Variants in TMEM51 observed in about 807,000 individuals in gnomAD.
TMEM51 encodes chromosome 1 open reading frame 72.
A neutral mutation model predicts 13.6 loss-of-function variants in TMEM51; 8 were observed. The ratio of observed to expected loss-of-function variants is 0.59; its 90% CI spans 0.35 to 1.07. The LOEUF (loss-of-function observed/expected upper bound fraction) is 1.07. Among genes scored for constraint, TMEM51 ranks in the 50% least tolerant of loss-of-function variants. The pLI is 0.02. For synonymous variants in TMEM51, 147 were observed against 144.4 expected, an observed-to-expected ratio of 1.02 and a Z score of -0.13; for missense variants, 279 against 330.7, an observed-to-expected ratio of 0.84 and a Z score of 1.21.
At chr1:15,184,561 A>G (rs4067936) in intron 1 of TMEM51, among the ~76,000 whole-genome samples, 79,883 of 151,972 alleles carry the variant, frequency 0.53, 21,584 homozygotes, top group East Asian at 0.67. Flanking sequence ...AAGACTTGCT[A>G]GGGCCAGGGC....
chr1:15,191,793 C>A, intron 1 of TMEM51: 1 of 337,436 alleles, frequency 3.0e-6, no homozygotes. Context: ...GCTGTTGAGA[C>A]AATATTTTTG....
At chr1:15,166,254 C>T (rs964066872) in intron 1 of TMEM51, among the ~76,000 whole-genome samples, 1 of 152,182 alleles carries the variant, frequency 6.6e-6, no homozygotes, top group Non-Finnish European at 1.5e-5. Context: ...GGATTACTGC[C>T]AGGCAAGGTG....
intron 3 of TMEM51, among the ~76,000 whole-genome samples, chr1:15,216,722 C>A (rs891623691): frequency 6.6e-6 from 1 of 152,134 alleles, no homozygotes; most frequent in Non-Finnish European, 1.5e-5. Flanking sequence ...CCTAAAAAAC[C>A]ACCTACTGAG....
intron 1 of TMEM51, among the ~76,000 whole-genome samples, chr1:15,184,277 G>A (rs1643704855): frequency 1.3e-5 from 2 of 152,150 alleles, no homozygotes; most frequent in African/African-American, 4.8e-5. Context: ...CGCCCACCTC[G>A]GCCTCCCAAA....
intron 2 of TMEM51, 31 bp from the exon 3 acceptor site, chr1:15,214,864 G>A (rs555050889): frequency 3.5e-4 from 194 of 556,206 alleles, no homozygotes; most frequent in Admixed American, 5.9e-4. Flanking sequence ...GGAACTGATC[G>A]TCCTCTCTGC....
chr1:15,197,972 A>G (rs902834375), intron 1 of TMEM51, among the ~76,000 whole-genome samples: 1 of 149,246 alleles, frequency 6.7e-6, no homozygotes, highest in African/African-American at 2.5e-5. Flanking sequence ...AAAAAAAAAA[A>G]GCAGATTCAA....
intron 1 of TMEM51, among the ~76,000 whole-genome samples, chr1:15,186,924 C>T (rs1643796040): frequency 6.6e-6 from 1 of 152,144 alleles, no homozygotes; most frequent in Non-Finnish European, 1.5e-5. Context: ...AGGCCGGCTG[C>T]CTTGTGTGCC....
chr1:15,153,478 G>C (rs532861006), upstream of TMEM51, among the ~76,000 whole-genome samples: 2 of 152,094 alleles, frequency 1.3e-5, no homozygotes, highest in East Asian at 3.9e-4. Flanking sequence ...ATTTTCTCCC[G>C]ACCCCCTCTT....
At chr1:15,154,790 G>T (rs1388138719) in intron 1 of TMEM51, among the ~76,000 whole-genome samples, 1 of 152,100 alleles carries the variant, frequency 6.6e-6, no homozygotes, top group Admixed American at 6.5e-5. Context: ...GGTGTCCTGC[G>T]CAGCGCTCCG....
At chr1:15,159,116 G>A (rs11803641) in intron 1 of TMEM51, among the ~76,000 whole-genome samples, 2,585 of 152,270 alleles carry the variant, frequency 0.017, 64 homozygotes, top group African/African-American at 0.053. Context: ...AGGCAGGGCC[G>A]ACAGGAAGGA....
intron 1 of TMEM51, among the ~76,000 whole-genome samples, chr1:15,182,076 G>A (rs1329959970): frequency 2.6e-5 from 4 of 152,076 alleles, no homozygotes; most frequent in African/African-American, 9.6e-5. Context: ...CAGGAGAATC[G>A]CTTGAACCCA....
chr1:15,177,968 C>G (rs1203990054), intron 1 of TMEM51, among the ~76,000 whole-genome samples: 2 of 152,210 alleles, frequency 1.3e-5, no homozygotes, highest in Non-Finnish European at 2.9e-5. Context: ...CTTATCAAAC[C>G]CTTTTCATGG....
chr1:15,194,642 C>A (rs1263540602), intron 1 of TMEM51, among the ~76,000 whole-genome samples: 1 of 152,138 alleles, frequency 6.6e-6, no homozygotes, highest in African/African-American at 2.4e-5. Context: ...CCTATCTTTT[C>A]GTTGTTATTC....
intron 1 of TMEM51, among the ~76,000 whole-genome samples, chr1:15,173,412 G>A (rs1046446010): frequency 1.3e-5 from 2 of 151,618 alleles, no homozygotes; most frequent in African/African-American, 4.8e-5. Flanking sequence ...GTAGAGACGG[G>A]GTTTCACCAT....
chr1:15,202,111 A>G (rs1644166592), intron 1 of TMEM51, among the ~76,000 whole-genome samples: 1 of 152,200 alleles, frequency 6.6e-6, no homozygotes, highest in African/African-American at 2.4e-5. Context: ...GGTCCCAGCA[A>G]TGTTAGAACA....
rs1056130264 is a variant in TMEM51, at chr1:15,168,472, T to G, written c.-267+14518T>G. Reference sequence around the variant, plus strand: ...ATCTGCAATTAGCTGTAACTCAGAATGTATAAGTTCCAATTTTATGTATTA... The same window carrying G: ...ATCTGCAATTAGCTGTAACTCAGAAGGTATAAGTTCCAATTTTATGTATTA... On this transcript the variant is annotated intron_variant, in intron 1 of 3. Coordinates refer to ENST00000376008, the MANE Select transcript of TMEM51 (RefSeq NM_001136218.2). The G allele has an allele frequency of 2.5e-5, 32 of 1,296,576 alleles. No individual in the cohort carries two copies. In the Admixed American group the frequency reaches 4.0e-4, roughly 16 times the overall value. The allele number at this position is 1,296,576 out of a possible 1,614,324, so 80.3% of individuals were successfully genotyped here. A position where few individuals can be genotyped will look rare whatever the true frequency, so the allele number is the denominator to read the frequency against.
chr1:15,173,447 C>G (rs1373132917), intron 1 of TMEM51, among the ~76,000 whole-genome samples: 1 of 151,942 alleles, frequency 6.6e-6, no homozygotes, highest in Non-Finnish European at 1.5e-5. Flanking sequence ...TCTCGAACTC[C>G]TGACCTCAAG....
chr1:15,179,530 C>T (rs958146638), intron 1 of TMEM51, among the ~76,000 whole-genome samples: 4 of 152,208 alleles, frequency 2.6e-5, no homozygotes, highest in African/African-American at 9.7e-5. Context: ...TGCCTGTAAT[C>T]CCATCACTTT....
At chr1:15,185,213 C>T (rs1305268441) in intron 1 of TMEM51, among the ~76,000 whole-genome samples, 1 of 152,204 alleles carries the variant, frequency 6.6e-6, no homozygotes, top group Admixed American at 6.5e-5. Context: ...AAAGACTGTT[C>T]ATTTTGTCAA....
Sources: gnomAD v4.1 joint callset for allele counts (sites outside exome capture counted in the v4.1 genomes callset) on GRCh38, gnomAD v4.1.1 for gene constraint, MANE v1.5 for transcripts, NCBI Gene and HGNC (gene_info 2026-07-23, HGNC 2026-07-21) for gene names.